Variants in MYO1B observed in about 807,000 individuals in gnomAD.
MYO1B encodes the protein myosin IB.
A neutral mutation model predicts 159.7 loss-of-function variants in MYO1B; 72 were observed. The observed-to-expected ratio is 0.45, with a 90% CI of 0.37 to 0.55. The LOEUF is 0.55. MYO1B is among the 20% of genes least tolerant of loss of function. The pLI is 0.00. For synonymous variants in MYO1B, 468 were observed against 473.8 expected, an observed-to-expected ratio of 0.99 and a Z score of 0.16; for missense variants, 1,062 against 1,364.8, an observed-to-expected ratio of 0.78 and a Z score of 3.50.
rs1330864104 is a variant in MYO1B, at chr2:191,363,748, C to T, written c.786C>T (p.Gly262=). ...RTVRNAMQIV[G]FMDHEAESVL... ...CCCAGAATGCCATGCAGATTGTGGG[C>T]TTTATGGATCATGAAGCTGAGTCTG... Residue 262 remains glycine (G), a synonymous_variant, in exon 10 of 31, where the codon GGC becomes GGT. Transcript: ENST00000392318. 3 of 1,612,842 alleles carry T rather than the reference C, an allele frequency of 1.9e-6. No homozygotes were observed. The highest frequency in any genetic ancestry group is 2.5e-6 in the Non-Finnish European group (3 of 1,179,702).
intron 17 of MYO1B, 149 bp downstream of exon 17, chr2:191,387,599 T>C (rs2126090268): frequency 2.8e-6 from 2 of 721,640 alleles, no homozygotes; most frequent in Non-Finnish European, 4.7e-6. Flanking sequence ...TGGGATTGGC[T>C]TAAAAAATGC....
At chr2:191,383,512 ACG>A (rs1199550593) in intron 15 of MYO1B, among the ~76,000 whole-genome samples, 170 bp downstream of exon 15, 215 of 102,602 alleles carry the variant, frequency 2.1e-3, no homozygotes, top group Admixed American at 4.0e-3. Flanking sequence ...ATATATATAC[ACG>A]TACACACACA....
At chr2:191,364,734 A>T (rs947244686) in intron 11 of MYO1B, among the ~76,000 whole-genome samples, 3 of 152,004 alleles carry the variant, frequency 2.0e-5, no homozygotes, top group African/African-American at 4.8e-5. Flanking sequence ...CTTCGAGGAG[A>T]TGTGCACTAA....
intron 1 of MYO1B, among the ~76,000 whole-genome samples, chr2:191,266,088 C>T (rs1010668042): frequency 7.9e-5 from 12 of 152,130 alleles, no homozygotes; most frequent in Admixed American, 5.2e-4. Context: ...GAGCTTCCTC[C>T]GGGAAATGAC....
intron 23 of MYO1B, chr2:191,401,673 G>A (rs1696625840): frequency 6.6e-6 from 1 of 152,320 alleles, no homozygotes; most frequent in Middle Eastern, 3.4e-3. Flanking sequence ...CCTATCTTAT[G>A]AGAAAATGAG....
At chr2:191,371,692 A>C (rs1162520291) in intron 13 of MYO1B, among the ~76,000 whole-genome samples, 1 of 152,186 alleles carries the variant, frequency 6.6e-6, no homozygotes, top group Non-Finnish European at 1.5e-5. Flanking sequence ...TCCCAAAGTA[A>C]CAGGTTCCCC....
chr2:191,359,995 C>A (rs1693561189), intron 7 of MYO1B, among the ~76,000 whole-genome samples: 1 of 152,170 alleles, frequency 6.6e-6, no homozygotes, highest in Non-Finnish European at 1.5e-5. Flanking sequence ...AAATTCCATT[C>A]AATGAGAACC....
In MYO1B at chr2:191,414,593, A is replaced by C. The variant is rs755699469; in HGVS notation, c.3083A>C (p.Glu1028Ala). 2.5e-6 allele frequency: 4 copies of C among 1,613,760 alleles called. No individual in the cohort carries two copies. The highest frequency in any genetic ancestry group is 3.4e-6 in the Non-Finnish European group (4 of 1,179,820). ...ADQKSGQIKS[E>A]VPLVDVTKVS... is the part of the protein sequence containing the mutation. ...CAAAAGTCTGGACAAATCAAGTCAG[A>C]GGTTCCATTGGTGGATGTGACCAAG... Residue 1028 changes from glutamate (E) to alanine (A), a missense_variant, in exon 29 of 31, where the codon GAG becomes GCG. This residue lies in a region of MYO1B where 609 missense variants were observed against 744.4 expected (regional missense o/e 0.82). Transcript: ENST00000392318.
intron 3 of MYO1B, among the ~76,000 whole-genome samples, chr2:191,309,967 T>C (rs952830539): frequency 6.6e-6 from 1 of 152,140 alleles, no homozygotes; most frequent in Admixed American, 6.5e-5. Context: ...TCCATAAATA[T>C]TGGTGGAGTG....
intron 2 of MYO1B, among the ~76,000 whole-genome samples, chr2:191,279,968 A>G (rs528911150): frequency 1.3e-5 from 2 of 152,270 alleles, no homozygotes; most frequent in African/African-American, 2.4e-5. Flanking sequence ...AGCCTCAGCA[A>G]TCTCCTATGT....
intron 1 of MYO1B, among the ~76,000 whole-genome samples, chr2:191,267,942 G>C (rs1382140729): frequency 1.3e-5 from 2 of 152,176 alleles, no homozygotes; most frequent in Admixed American, 1.3e-4. Context: ...AGAAGAATGG[G>C]CTGTGCCTGT....
intron 1 of MYO1B, among the ~76,000 whole-genome samples, chr2:191,257,904 A>G (rs1327790015): frequency 1.3e-5 from 2 of 152,352 alleles, no homozygotes; most frequent in Admixed American, 6.5e-5. Flanking sequence ...CCTAATTTGA[A>G]CATATCATAA....
At chr2:191,408,214 G>T in intron 25 of MYO1B, 25 bp downstream of exon 25, 1 of 1,563,276 alleles carries the variant, frequency 6.4e-7, no homozygotes, top group Non-Finnish European at 8.8e-7. Flanking sequence ...TATATCTGTG[G>T]ATAATCAGCA....
intron 3 of MYO1B, among the ~76,000 whole-genome samples, chr2:191,319,984 T>G (rs1574419361): frequency 6.6e-6 from 1 of 151,834 alleles, no homozygotes; most frequent in South Asian, 2.1e-4. Flanking sequence ...CATTAAGAGG[T>G]TCCTGAAAGC....
intron 2 of MYO1B, among the ~76,000 whole-genome samples, chr2:191,295,902 G>A (rs1400535913): frequency 6.6e-6 from 1 of 152,082 alleles, no homozygotes; most frequent in Non-Finnish European, 1.5e-5. Context: ...ATATATAAAT[G>A]TATGCTTTCC....
chr2:191,368,668 T>A (rs1168757892), intron 11 of MYO1B, among the ~76,000 whole-genome samples: 2 of 152,154 alleles, frequency 1.3e-5, no homozygotes, highest in African/African-American at 2.4e-5. Flanking sequence ...GAAGTTTTTT[T>A]AAATACTCAA....
At chr2:191,360,751 G>GTGGTGTTGTTGTTGTTGT (rs1553552025) in intron 8 of MYO1B, 22 bp downstream of exon 8, 28 of 1,118,210 alleles carry the variant, frequency 2.5e-5, no homozygotes, top group African/African-American at 1.9e-4. Flanking sequence ...TTTCTATGTG[G>GTGGTGTTGTTGTTGTTGT]TGTTGTTGTT....
chr2:191,364,923 G>A (rs1693910582), intron 11 of MYO1B, among the ~76,000 whole-genome samples: 1 of 150,386 alleles, frequency 6.6e-6, no homozygotes, highest in South Asian at 2.1e-4. Flanking sequence ...GAAACATGGA[G>A]TTGTCATTTA....
intron 30 of MYO1B, among the ~76,000 whole-genome samples, chr2:191,421,143 C>A (rs965505307): frequency 6.6e-6 from 1 of 150,754 alleles, no homozygotes; most frequent in Non-Finnish European, 1.5e-5. Context: ...GATCTCGGCT[C>A]ACTGCAACCT....
Sources: gnomAD v4.1 joint callset for allele counts (sites outside exome capture counted in the v4.1 genomes callset) on GRCh38, gnomAD v4.1.1 for gene constraint, gnomAD v4.1.1 regional missense constraint, MANE v1.5 for transcripts, NCBI Gene and HGNC (gene_info 2026-07-23, HGNC 2026-07-21) for gene names.